KIF24: variants seen among roughly 807,000 people sequenced by gnomAD.
KIF24 encodes the protein kinesin-like protein KIF24.
In KIF24, 81 loss-of-function variants were observed where a neutral mutation model predicts 118.9. The ratio of observed to expected loss-of-function variants is 0.68; its 90% CI spans 0.57 to 0.82. The LOEUF (loss-of-function observed/expected upper bound fraction) is 0.82. KIF24 is among the 40% of genes least tolerant of loss of function. The pLI is 0.00. For missense variants in KIF24, 1,560 were observed against 1,661.6 expected (o/e 0.94, Z 1.06); for synonymous variants, 599 against 610.0 (o/e 0.98, Z 0.27).
intron 6 of KIF24, among the ~76,000 whole-genome samples, chr9:34,272,511 G>T (rs1013554820): frequency 1.3e-5 from 2 of 152,254 alleles, no homozygotes; most frequent in African/African-American, 4.8e-5. Flanking sequence ...AATGGGGCAG[G>T]GGAGGTGAAG....
At chr9:34,303,614 C>T (rs1836806565) in intron 3 of KIF24, among the ~76,000 whole-genome samples, 1 of 152,126 alleles carries the variant, frequency 6.6e-6, no homozygotes, top group African/African-American at 2.4e-5. Context: ...CTTTGGGAGG[C>T]TAAGGCAGGT....
chr9:34,319,517 C>A, intron 1 of KIF24: 2 of 1,244,456 alleles, frequency 1.6e-6, no homozygotes. Context: ...TCTATGGGAG[C>A]AAGGAGCTGC....
In KIF24 at chr9:34,263,412, T is replaced by C. The variant is rs1835168126; in HGVS notation, c.1444-240A>G. On this transcript the variant is annotated intron_variant, in intron 8 of 12. Transcript: ENST00000402558. Reference sequence around the variant, plus strand: ...AGCTTAGAGGCTGGGATCCTAGGACTGCCCCTGAGTTGACGGCGGGGAACA... The same window carrying C: ...AGCTTAGAGGCTGGGATCCTAGGACCGCCCCTGAGTTGACGGCGGGGAACA... Among the ~76,000 whole-genome samples the C allele has an allele frequency of 2.0e-5, 3 of 152,146 alleles. No homozygotes were observed. The South Asian group carries it at 6.2e-4, about 32-fold the overall frequency.
At chr9:34,320,031 A>T (rs1837462970) in intron 1 of KIF24, among the ~76,000 whole-genome samples, 2 of 152,124 alleles carry the variant, frequency 1.3e-5, no homozygotes, top group East Asian at 3.9e-4. Context: ...TTCTCCTGAC[A>T]CTAAACCACC....
Position 34,290,235 on chromosome 9 carries a change from A to G in KIF24, c.1066T>C (p.Trp356Arg). The change falls in exon 5 of 13, where the codon TGG (tryptophan) becomes CGG (arginine). Residue 356 changes from tryptophan to arginine, a missense_variant. Trp to Arg is a moderately radical substitution (Grantham distance 101). Coordinates refer to ENST00000402558, the MANE Select transcript of KIF24 (RefSeq NM_194313.4). ...VSQPRKHLFV[W>R]ISFYEIYCGQ... ...CAGTAAATTTCATAGAAGCTGATCC[A>G]CACAAAGAGGTGCTTTCTTGGCTGG... is the stretch of plus-strand genomic sequence containing the variant. The G allele has an allele frequency of 6.2e-7, 1 of 1,613,952 alleles. No homozygotes were observed. The highest frequency in any genetic ancestry group is 8.5e-7 in the Non-Finnish European group (1 of 1,179,852).
intron 1 of KIF24, among the ~76,000 whole-genome samples, chr9:34,315,461 A>AT (rs1244452832): frequency 6.6e-6 from 1 of 152,202 alleles, no homozygotes; most frequent in Middle Eastern, 3.2e-3. Flanking sequence ...ATTTGACTAG[A>AT]TTAATACCTC....
At position 34,310,906 on chromosome 9, in the gene KIF24, G is replaced by A. The variant is rs768080232; in HGVS notation, c.441C>T (p.Tyr147=). 15 of 1,613,458 alleles carry A rather than the reference G, an allele frequency of 9.3e-6. No homozygotes were observed. Among genetic ancestry groups the A allele is most frequent in the African/African-American group, 1.3e-5 (1 of 74,932 alleles). Residue 147 remains tyrosine (Y), a synonymous_variant, in exon 2 of 13, where the codon TAC becomes TAT. Coordinates refer to ENST00000402558, the MANE Select transcript of KIF24 (RefSeq NM_194313.4). ...CATTCAGAATTCCTGTTTTTGTATG[G>A]TACTGGGAATCATCTGGTAGCATGT... ...LEHMLPDDSQ[Y]HTKTGILNAT... is the part of the protein sequence containing the mutation.
intron 3 of KIF24, among the ~76,000 whole-genome samples, chr9:34,303,971 A>G (rs1338965517): frequency 6.6e-6 from 1 of 152,172 alleles, no homozygotes; most frequent in Non-Finnish European, 1.5e-5. Context: ...CTTACTGCCA[A>G]TTTCAAAAAA....
At chr9:34,327,694 A>AT (rs1185560449) in intron 1 of KIF24, among the ~76,000 whole-genome samples, 3 of 152,060 alleles carry the variant, frequency 2.0e-5, no homozygotes, top group Non-Finnish European at 4.4e-5. Context: ...AGCCACAGGA[A>AT]TTTTAATCTA....
intron 3 of KIF24, among the ~76,000 whole-genome samples, chr9:34,302,921 G>A (rs1836778928): frequency 6.6e-6 from 1 of 151,844 alleles, no homozygotes; most frequent in African/African-American, 2.4e-5. Context: ...GACTACAGGT[G>A]ACTGCCAACA....
In KIF24 at chr9:34,257,094, C is replaced by A. The variant is rs767298895; in HGVS notation, c.2513G>T (p.Ser838Ile). ...FSEDSFSHISSQRATKQRNTL... is the reference protein window; with the variant it reads ...FSEDSFSHISIQRATKQRNTL... ...GTTCCTTTGCTTTGTGGCCCTCTGA[C>A]TAGAGATGTGTGAAAAAGAATCTTC... The change falls in exon 11 of 13, where the codon AGT (serine) becomes ATT (isoleucine). Residue 838 changes from serine to isoleucine, a missense_variant. Transcript: ENST00000402558. The A allele has an allele frequency of 1.2e-6, 2 of 1,614,036 alleles. No homozygotes were observed. The highest frequency in any genetic ancestry group is 2.2e-5 in the South Asian group (2 of 91,088).
chr9:34,303,952 T>A (rs1292328637), intron 3 of KIF24, among the ~76,000 whole-genome samples: 1 of 152,220 alleles, frequency 6.6e-6, no homozygotes, highest in Non-Finnish European at 1.5e-5. Context: ...CATATTAAAC[T>A]TGTATTCACT....
intron 8 of KIF24, among the ~76,000 whole-genome samples, chr9:34,265,591 G>T (rs1449597038): frequency 6.6e-6 from 1 of 152,108 alleles, no homozygotes. Context: ...ACACAGAGAA[G>T]AATTATTTCA....
In KIF24 at chr9:34,287,104, A is replaced by G. The variant is rs569610757; in HGVS notation, c.1128-400T>C. ...TCTCTCTGTCCCTGGATGTGAAAGC[A>G]TATGGCCCTGTGGCCCTGGGAGCAG... On this transcript the variant is annotated intron_variant, in intron 5 of 12. Transcript: ENST00000402558. 6.6e-5 allele frequency among the ~76,000 whole-genome samples: 10 copies of G among 152,328 alleles called. 1 individual carries two copies. Among genetic ancestry groups the G allele is most frequent in the African/African-American group, 2.4e-4 (10 of 41,564 alleles).
At chr9:34,315,622 G>A (rs181046841) in intron 1 of KIF24, among the ~76,000 whole-genome samples, 104 of 152,314 alleles carry the variant, frequency 6.8e-4, no homozygotes, top group African/African-American at 2.4e-3. Flanking sequence ...ACTACTGTGT[G>A]AATTATTAAA....
chr9:34,319,352 G>A, intron 1 of KIF24: 1 of 871,416 alleles, frequency 1.1e-6, no homozygotes, highest in Non-Finnish European at 2.0e-6. Flanking sequence ...ATGACCTGCA[G>A]AAACTCCTGG....
rs1834910566 is a variant in KIF24, at chr9:34,257,737, G to A, written c.1870C>T (p.Pro624Ser). Residue 624 changes from proline to serine, a missense_variant, in exon 11 of 13, where the codon CCT becomes TCT. By Grantham distance (74) the Pro-to-Ser change is moderately conservative. This residue lies in a region of KIF24 where 964 missense variants were observed against 988.0 expected (regional missense o/e 0.98). Coordinates refer to ENST00000402558, the MANE Select transcript of KIF24 (RefSeq NM_194313.4). Reference sequence around the variant, plus strand: ...CCACCCCTTTTACCAGAGACCTTAGGTGCAGAAGTAAAAGGAATGTTGGGT... The same window carrying A: ...CCACCCCTTTTACCAGAGACCTTAGATGCAGAAGTAAAAGGAATGTTGGGT... ...HPPNIPFTSA[P>S]KVSGKRGGSR... 2 of 1,614,014 alleles carry A rather than the reference G, an allele frequency of 1.2e-6. No homozygotes were observed. The highest frequency in any genetic ancestry group is 1.7e-6 in the Non-Finnish European group (2 of 1,179,890).
chr9:34,285,805 T>C (rs940100273), intron 6 of KIF24, among the ~76,000 whole-genome samples: 1 of 148,168 alleles, frequency 6.7e-6, no homozygotes, highest in African/African-American at 2.5e-5. Flanking sequence ...AAAAAAAAAT[T>C]AGCCAGGTGT....
At chr9:34,299,510 C>G (rs1257439542) in intron 3 of KIF24, among the ~76,000 whole-genome samples, 2 of 151,142 alleles carry the variant, frequency 1.3e-5, no homozygotes, top group African/African-American at 4.9e-5. Context: ...TTTGCACCAC[C>G]GCATTCTAGC....
Sources: gnomAD v4.1 joint callset for allele counts (sites outside exome capture counted in the v4.1 genomes callset) on GRCh38, gnomAD v4.1.1 for gene constraint, gnomAD v4.1.1 regional missense constraint, MANE v1.5 for transcripts, NCBI Gene and HGNC (gene_info 2026-07-23, HGNC 2026-07-21) for gene names.